The following FGD5 variants were observed in gnomAD, a reference collection of about 807,000 sequenced individuals.
The protein encoded by FGD5 is FYVE, RhoGEF and PH domain-containing protein 5.
FGD5 carries 28 observed loss-of-function variants against 133.4 expected under a neutral mutation model. That is an observed-to-expected ratio of 0.21 (90% CI 0.16 to 0.29). The LOEUF (loss-of-function observed/expected upper bound fraction) is 0.29, where lower values mean the gene tolerates loss of function less well. FGD5 is among the 10% of genes least tolerant of loss of function. The probability of loss-of-function intolerance (pLI) is 1.00; values close to 1 mark genes in which losing one functional copy is unlikely to be tolerated. For missense variants in FGD5, 1,858 were observed against 1,895.2 expected (o/e 0.98, Z 0.36); for synonymous variants, 810 against 776.5 (o/e 1.04, Z -0.72).
intron 4 of FGD5, 62 bp downstream of exon 4, chr3:14,880,834 G>A: frequency 6.3e-7 from 1 of 1,585,736 alleles, no homozygotes; most frequent in Non-Finnish European, 8.6e-7. Flanking sequence ...TGATATAAGA[G>A]GCAGGAAAGC....
At chr3:14,883,185 A>G (rs924282994) in intron 4 of FGD5, among the ~76,000 whole-genome samples, 3 of 152,178 alleles carry the variant, frequency 2.0e-5, no homozygotes, top group East Asian at 1.9e-4. Context: ...TGTGTAACCT[A>G]TGGGCTCCAT....
intron 2 of FGD5, among the ~76,000 whole-genome samples, chr3:14,879,313 C>A (rs981079962): frequency 6.6e-6 from 1 of 152,258 alleles, no homozygotes; most frequent in Non-Finnish European, 1.5e-5. Context: ...TCTATTTCAT[C>A]AGGCCGCCAC....
intron 4 of FGD5, among the ~76,000 whole-genome samples, chr3:14,887,149 T>C (rs2037940052): frequency 6.6e-6 from 1 of 152,190 alleles, no homozygotes; most frequent in African/African-American, 2.4e-5. Context: ...GTTGTATGTC[T>C]CTCCGTCAGT....
intron 1 of FGD5, among the ~76,000 whole-genome samples, chr3:14,843,662 CTA>C (rs1193574606): frequency 4.1e-5 from 6 of 145,818 alleles, no homozygotes; most frequent in African/African-American, 1.5e-4. Context: ...CGCTTGGGCT[CTA>C]TACCTGTGCA....
chr3:14,860,137 G>A (rs2037369022), intron 1 of FGD5, among the ~76,000 whole-genome samples: 1 of 152,166 alleles, frequency 6.6e-6, no homozygotes, highest in African/African-American at 2.4e-5. Context: ...ACAGGAGTGG[G>A]ACTGGCTTGG....
intron 9 of FGD5, among the ~76,000 whole-genome samples, chr3:14,903,346 T>C (rs2038278730): frequency 6.6e-6 from 1 of 152,124 alleles, no homozygotes; most frequent in Admixed American, 6.5e-5. Context: ...TTCTCTGTTA[T>C]GAACATCTTT....
At chr3:14,814,204 T>A (rs970968324), upstream of FGD5, among the ~76,000 whole-genome samples, 4 of 152,136 alleles carry the variant, frequency 2.6e-5, no homozygotes, top group Admixed American at 6.5e-5. Context: ...GTCCACCAGC[T>A]ACATCCATGC....
At position 14,919,624 on chromosome 3, in the gene FGD5, A is replaced by G. The variant is rs117313038; in HGVS notation, c.3569+791A>G. Among the ~76,000 whole-genome samples, 63 of 151,476 alleles carry G rather than the reference A, an allele frequency of 4.2e-4. 1 individual carries two copies. In the East Asian group the frequency reaches 7.4e-3, roughly 18 times the overall value. ...CAGAGCAAGACTCCGTCTCAAAACA[A>G]AAACAAAAACAAAAACAAAAATACC... On this transcript the variant is annotated intron_variant, in intron 13 of 19. Transcript: ENST00000285046.
At chr3:14,925,125 A>AC (rs2038773717) in intron 17 of FGD5, among the ~76,000 whole-genome samples, 1 of 148,156 alleles carries the variant, frequency 6.7e-6, no homozygotes, top group Non-Finnish European at 1.5e-5. Context: ...AAAAAAAAAA[A>AC]AAACACATAC....
rs140640081 is a variant in FGD5, at chr3:14,828,483, A to T, written c.2525+6887A>T. 2.2e-3 allele frequency among the ~76,000 whole-genome samples: 334 copies of T among 152,234 alleles called. 3 individuals are homozygous for T. The highest frequency in any genetic ancestry group is 4.8e-3 in the Admixed American group (74 of 15,292). On this transcript the variant is annotated intron_variant, in intron 1 of 19. Coordinates refer to ENST00000285046, the MANE Select transcript of FGD5 (RefSeq NM_152536.4). ...CAGGGAGGAGGATTATATGGAGGAG[A>T]TGGGGTTGAAAGGCTTGAGGACTAA... is the stretch of plus-strand genomic sequence containing the variant.
At chr3:14,894,505 C>CTTTTTTTTTTTTT (rs55912541) in intron 4 of FGD5, among the ~76,000 whole-genome samples, 2 of 127,222 alleles carry the variant, frequency 1.6e-5, no homozygotes, top group Non-Finnish European at 1.7e-5. Flanking sequence ...TTTGTTAGTT[C>CTTTTTTTTTTTTT]TTTTTTTTTT....
chr3:14,914,697 G>A lies in FGD5; in HGVS notation c.3406-2552G>A, dbSNP rs533829604. Among the ~76,000 whole-genome samples the A allele has an allele frequency of 2.0e-4, 30 of 152,250 alleles. No individual in the cohort carries two copies. In the South Asian group the frequency reaches 6.0e-3, roughly 31 times the overall value. ...ACATTCCCTCCCGAGCACACTGGAG[G>A]GACACTCATCAAGCCATACCCCTGG... On this transcript the variant is annotated intron_variant, in intron 11 of 19. Coordinates refer to ENST00000285046, the MANE Select transcript of FGD5 (RefSeq NM_152536.4).
chr3:14,861,009 G>A (rs115729594), intron 1 of FGD5, among the ~76,000 whole-genome samples: 4,376 of 152,142 alleles, frequency 0.029, 125 homozygotes, highest in Admixed American at 0.079. Context: ...AAAATACAGT[G>A]TTAAAAGAAT....
chr3:14,922,439 G>C lies in FGD5; in HGVS notation c.3698G>C (p.Gly1233Ala), dbSNP rs2038702025. 1.9e-6 allele frequency: 3 copies of C among 1,569,460 alleles called. No homozygotes were observed. The highest frequency in any genetic ancestry group is 2.6e-6 in the Non-Finnish European group (3 of 1,157,366). The part of the protein sequence containing the change: ...EIRERLGVSL[G>A]ERPPTLVPVT... ...CGAGAGAGGCTGGGGGTTAGCCTTGGGGAGAGGCCCCCCACCCTGGTGCCT... is the reference window on the plus strand; with the variant it reads ...CGAGAGAGGCTGGGGGTTAGCCTTGCGGAGAGGCCCCCCACCCTGGTGCCT... The change falls in exon 15 of 20, where the codon GGG (glycine) becomes GCG (alanine). Residue 1233 changes from glycine (G) to alanine (A), a missense_variant. By Grantham distance (60) the Gly-to-Ala change is moderately conservative. This residue lies in a region of FGD5 where 1,824 missense variants were observed against 1,848.9 expected (regional missense o/e 0.99). Coordinates refer to ENST00000285046, the MANE Select transcript of FGD5 (RefSeq NM_152536.4). The surrounding 1 kb of genome is among the most constrained non-coding windows in gnomAD (Gnocchi z 4.1).
Position 14,898,682 on chromosome 3 carries a change from A to G in FGD5, c.3067-57A>G. On this transcript the variant is annotated intron_variant, in intron 6 of 19. Transcript: ENST00000285046. Reference sequence around the variant, plus strand: ...ACAGTGTATATGGGCTGCTGTGAGCATGGTGCCTTCAGGAGGGGTTTCTGA... The same window carrying G: ...ACAGTGTATATGGGCTGCTGTGAGCGTGGTGCCTTCAGGAGGGGTTTCTGA... The G allele has an allele frequency of 2.8e-6, 4 of 1,413,604 alleles. No individual in the cohort carries two copies. The South Asian group carries it at 3.7e-5, about 13-fold the overall frequency. 87.6% of individuals were successfully genotyped at this position (1,413,604 alleles called of 1,614,324 possible). A position where few individuals can be genotyped will look rare whatever the true frequency, so the allele number is the denominator to read the frequency against.
upstream of FGD5, chr3:14,810,756 C>G (rs966490153): frequency 1.0e-6 from 1 of 970,314 alleles, no homozygotes; most frequent in Non-Finnish European, 1.2e-6. Flanking sequence ...GTGCGGGCCC[C>G]GCGGGGCGGC....
intron 4 of FGD5, among the ~76,000 whole-genome samples, chr3:14,884,651 G>A (rs540818758): frequency 2.6e-5 from 4 of 152,238 alleles, no homozygotes; most frequent in East Asian, 3.9e-4. Context: ...TAGAAATTTC[G>A]ACAGGGCACG....
At position 14,819,948 on chromosome 3, in the gene FGD5, C is replaced by T; in HGVS notation, c.877C>T (p.Leu293Phe). Residue 293 changes from leucine to phenylalanine, a missense_variant, in exon 1 of 20, where the codon CTC (leucine) becomes TTC (phenylalanine). Leu to Phe is a conservative substitution (Grantham distance 22). This residue lies in a region of FGD5 where 1,824 missense variants were observed against 1,848.9 expected (regional missense o/e 0.99). Transcript: ENST00000285046. The surrounding 1 kb of genome is among the most constrained non-coding windows in gnomAD (Gnocchi z 4.1). ...TGTCACAGGTGGGGAACAGGTTGAC[C>T]TCAGTGAACCACCTGACCACGAGAA... ...TGVTGGEQVD[L>F]SEPPDHEKKT... 6.2e-7 allele frequency: 1 copy of T among 1,613,906 alleles called. No homozygotes were observed.
At position 14,922,386 on chromosome 3, in the gene FGD5, TACTC is replaced by T; in HGVS notation, c.3670-23_3670-20del. 6.4e-7 allele frequency: 1 copy of T among 1,558,818 alleles called. No individual in the cohort carries two copies. ...CTGGTCTCCTGGCCACATTCCACATTACTCAGCCAATTCTGTTGCTGCAGATACG... is the reference window on the plus strand; with the variant it reads ...CTGGTCTCCTGGCCACATTCCACATTAGCCAATTCTGTTGCTGCAGATACG... On this transcript the variant is annotated intron_variant, in intron 14 of 19. Coordinates refer to ENST00000285046, the MANE Select transcript of FGD5 (RefSeq NM_152536.4). This position sits in a 1 kb window ranked among gnomAD's most constrained non-coding sequence, Gnocchi z 4.1.
Sources: gnomAD v4.1 joint callset for allele counts (sites outside exome capture counted in the v4.1 genomes callset) on GRCh38, gnomAD v4.1.1 for gene constraint, gnomAD v4.1.1 regional missense constraint, Gnocchi (gnomAD v3.1) non-coding constraint, MANE v1.5 for transcripts, NCBI Gene and HGNC (gene_info 2026-07-23, HGNC 2026-07-21) for gene names.